The following SPAG17 variants were observed in gnomAD, a reference collection of about 807,000 sequenced individuals.
SPAG17 encodes sperm-associated antigen 17.
SPAG17 carries 169 observed loss-of-function variants against 273.6 expected under a neutral mutation model. That is an observed-to-expected ratio of 0.62 (90% CI 0.55 to 0.70). The LOEUF is 0.70. Ranked by LOEUF, SPAG17 falls within the 30% of genes least tolerant of loss-of-function variation. SPAG17 has a pLI of 0.00. For synonymous variants in SPAG17, 825 were observed against 873.2 expected, an observed-to-expected ratio of 0.94 and a Z score of 0.97; for missense variants, 2,557 against 2,627.8, an observed-to-expected ratio of 0.97 and a Z score of 0.59.
Position 118,104,751 on chromosome 1 carries a change from A to G in SPAG17, c.448-2825T>C, listed in dbSNP as rs148103088. ...GAATTGGCAGTTGTAGGTAACATGAAGAAGAGCAATTATGGTGGAGTGTGG... is the reference window on the plus strand; with the variant it reads ...GAATTGGCAGTTGTAGGTAACATGAGGAAGAGCAATTATGGTGGAGTGTGG... On this transcript the variant is annotated intron_variant, in intron 4 of 48. Transcript: ENST00000336338. 8.6e-3 allele frequency among the ~76,000 whole-genome samples: 1,304 copies of G among 152,332 alleles called. 1 individual carries two copies. The highest frequency in any genetic ancestry group is 0.01 in the Non-Finnish European group (708 of 68,036).
intron 3 of SPAG17, among the ~76,000 whole-genome samples, chr1:118,116,100 G>C (rs1483193862): frequency 2.0e-5 from 3 of 152,082 alleles, no homozygotes; most frequent in Non-Finnish European, 4.4e-5. Context: ...GTGTGGCACT[G>C]ACAGCCTGTT....
intron 15 of SPAG17, among the ~76,000 whole-genome samples, chr1:118,077,389 G>A (rs1298914710): frequency 2.6e-5 from 4 of 151,928 alleles, no homozygotes; most frequent in African/African-American, 9.7e-5. Flanking sequence ...AGGATACACT[G>A]TCCACTATAG....
intron 1 of SPAG17, among the ~76,000 whole-genome samples, chr1:118,171,105 G>A (rs1041658911): frequency 2.6e-5 from 4 of 152,200 alleles, no homozygotes; most frequent in African/African-American, 4.8e-5. Flanking sequence ...ATGAAGGCAT[G>A]AGAATGACAA....
At chr1:118,029,542 T>C (rs1425641539) in intron 25 of SPAG17, among the ~76,000 whole-genome samples, 1 of 152,156 alleles carries the variant, frequency 6.6e-6, no homozygotes, top group African/African-American at 2.4e-5. Context: ...TTGTAGCAAA[T>C]GAAAGTAATA....
chr1:118,038,826 A>G (rs1294615545), intron 23 of SPAG17, among the ~76,000 whole-genome samples: 1 of 152,148 alleles, frequency 6.6e-6, no homozygotes, highest in African/African-American at 2.4e-5. Context: ...ACTACTCTGT[A>G]TGATAGTATA....
At chr1:118,153,443 T>C (rs1361740525) in intron 1 of SPAG17, among the ~76,000 whole-genome samples, 2 of 152,242 alleles carry the variant, frequency 1.3e-5, no homozygotes, top group African/African-American at 4.8e-5. Flanking sequence ...GTCTTTGGGC[T>C]CAGAATGTCT....
chr1:118,008,273 G>C lies in SPAG17; in HGVS notation c.4433-75C>G, dbSNP rs1249846216. The C allele has an allele frequency of 2.6e-6, 4 of 1,537,376 alleles. No individual in the cohort carries two copies. In the South Asian group the frequency reaches 3.5e-5, roughly 14 times the overall value. ...AAACAGACCTCAGCCTATTGATTTT[G>C]CTGCTGTTTCCTGGCTGTCTGGATT... is the stretch of plus-strand genomic sequence containing the variant. On this transcript the variant is annotated intron_variant, in intron 30 of 48. Transcript: ENST00000336338.
chr1:118,016,275 C>T, intron 28 of SPAG17, 93 bp from the exon 29 acceptor site: 1 of 925,844 alleles, frequency 1.1e-6, no homozygotes, highest in Non-Finnish European at 1.7e-6. Context: ...TACAAACTAC[C>T]TCAGATACTG....
chr1:118,114,905 A>G (rs1444842696), intron 4 of SPAG17, among the ~76,000 whole-genome samples: 1 of 152,206 alleles, frequency 6.6e-6, no homozygotes, highest in Non-Finnish European at 1.5e-5. Flanking sequence ...TTTAAAAGGC[A>G]CTTCTATAGA....
intron 1 of SPAG17, among the ~76,000 whole-genome samples, chr1:118,151,700 A>G (rs1659395940): frequency 1.3e-5 from 2 of 152,254 alleles, no homozygotes; most frequent in African/African-American, 4.8e-5. Context: ...TGTCACAAAT[A>G]TACATTAAGA....
chr1:118,159,462 C>A (rs923319992), intron 1 of SPAG17, among the ~76,000 whole-genome samples: 8 of 152,078 alleles, frequency 5.3e-5, no homozygotes, highest in Admixed American at 5.2e-4. Flanking sequence ...TTTCAAAAGA[C>A]TATTGCAGGA....
intron 3 of SPAG17, among the ~76,000 whole-genome samples, chr1:118,116,708 T>A (rs147412920): frequency 1.2e-3 from 183 of 152,208 alleles, no homozygotes; most frequent in African/African-American, 3.6e-3. Context: ...CACATTGGGG[T>A]TCCCGCATTG....
In SPAG17 at chr1:117,992,460, C is replaced by A; in HGVS notation, c.5361+6G>T. The A allele has an allele frequency of 6.3e-7, 1 of 1,594,962 alleles. No homozygotes were observed. The highest frequency in any genetic ancestry group is 8.5e-7 in the Non-Finnish European group (1 of 1,172,862). Reference sequence around the variant, plus strand: ...CTTTTGGGTCAGGTCACCTAGATTCCATTACCTTAAGGGAAACCTGCAGCC... The same window carrying A: ...CTTTTGGGTCAGGTCACCTAGATTCAATTACCTTAAGGGAAACCTGCAGCC... On this transcript the variant is annotated splice_donor_region_variant and intron_variant, in intron 36 of 48. Coordinates refer to ENST00000336338, the MANE Select transcript of SPAG17 (RefSeq NM_206996.4).
At chr1:118,179,131 C>G (rs1185317817) in intron 1 of SPAG17, among the ~76,000 whole-genome samples, 2 of 151,916 alleles carry the variant, frequency 1.3e-5, no homozygotes, top group Non-Finnish European at 2.9e-5. Flanking sequence ...ACACAAAACC[C>G]AGGAGAACCA....
intron 7 of SPAG17, among the ~76,000 whole-genome samples, chr1:118,094,047 T>C (rs570678189): frequency 6.6e-6 from 1 of 152,162 alleles, no homozygotes; most frequent in Non-Finnish European, 1.5e-5. Flanking sequence ...GCTCATCCTA[T>C]GTCTGAGTTC....
rs1173272505 is a variant in SPAG17, at chr1:118,099,634, C to T, written c.801G>A (p.Gln267=). The change falls in exon 6 of 49, where the codon CAG becomes CAA. Residue 267 remains glutamine (Q), a synonymous_variant. Transcript: ENST00000336338. The part of the protein sequence containing the change: ...PLQTHLAAVN[Q]QQEVLLQSED... ...CTGACTGAAGAAGAACTTCCTGCTG[C>T]TGGTTAACTGCTGCCAGGTGTGTCT... 1.2e-6 allele frequency: 2 copies of T among 1,613,896 alleles called. No homozygotes were observed. The highest frequency in any genetic ancestry group is 1.7e-6 in the Non-Finnish European group (2 of 1,179,928).
intron 1 of SPAG17, among the ~76,000 whole-genome samples, chr1:118,175,817 C>G (rs941866416): frequency 6.6e-6 from 1 of 152,006 alleles, no homozygotes; most frequent in Non-Finnish European, 1.5e-5. Context: ...CACAAACAAA[C>G]CCAGGATACT....
intron 3 of SPAG17, among the ~76,000 whole-genome samples, chr1:118,128,634 T>C (rs1390400161): frequency 6.6e-6 from 1 of 152,200 alleles, no homozygotes; most frequent in Non-Finnish European, 1.5e-5. Flanking sequence ...ACCCTACTAG[T>C]TACTGACTGA....
intron 3 of SPAG17, among the ~76,000 whole-genome samples, chr1:118,134,862 T>C (rs1011176324): frequency 9.2e-5 from 14 of 152,208 alleles, no homozygotes; most frequent in Admixed American, 7.9e-4. Context: ...ATTCCTCTCC[T>C]CCTTCATGAC....
Sources: gnomAD v4.1 joint callset for allele counts (sites outside exome capture counted in the v4.1 genomes callset) on GRCh38, gnomAD v4.1.1 for gene constraint, MANE v1.5 for transcripts, NCBI Gene and HGNC (gene_info 2026-07-23, HGNC 2026-07-21) for gene names.